Variants in ANKRD44 observed in about 807,000 individuals in gnomAD.
ANKRD44 encodes the protein ankyrin repeat domain 44, also known as serine/threonine-protein phosphatase 6 regulatory ankyrin repeat subunit B.
In ANKRD44, 35 loss-of-function variants were observed where a neutral mutation model predicts 116.0. That is an observed-to-expected ratio of 0.30 (90% CI 0.23 to 0.40). The LOEUF (loss-of-function observed/expected upper bound fraction) is 0.40. ANKRD44 is among the 10% of genes least tolerant of loss of function. The pLI is 1.00. For missense variants in ANKRD44, 1,014 were observed against 1,242.6 expected, an observed-to-expected ratio of 0.82 and a Z score of 2.77; for synonymous variants, 435 against 461.8, an observed-to-expected ratio of 0.94 and a Z score of 0.74.
chr2:197,093,123 C>T (rs1559055596), intron 10 of ANKRD44, among the ~76,000 whole-genome samples: 1 of 151,662 alleles, frequency 6.6e-6, no homozygotes, highest in South Asian at 2.1e-4. Context: ...CACACACACA[C>T]ATATGTTCAT....
At position 196,988,187 on chromosome 2, in the gene ANKRD44, T is replaced by C; in HGVS notation, c.*1404A>G. On this transcript the variant is annotated 3_prime_UTR_variant, in exon 28 of 28. Transcript: ENST00000282272. ...CGACAGGAAAAATGTTAACGCTGCT[T>C]TGCCATTAAAGCAAGCATTTCATTT... 1 of 984,790 alleles carries C rather than the reference T, an allele frequency of 1.0e-6. No individual in the cohort carries two copies. The highest frequency in any genetic ancestry group is 1.1e-4 in the East Asian group (1 of 8,822). The allele number at this position is 984,790 out of a possible 1,614,324, so 61.0% of individuals were successfully genotyped here. A position where few individuals can be genotyped will look rare whatever the true frequency, so the allele number is the denominator to read the frequency against.
rs13408876 is a variant in ANKRD44 at position 197,024,116 on chromosome 2, G to A, written c.1722+1080C>T. 9.3e-3 allele frequency among the ~76,000 whole-genome samples: 1,415 copies of A among 152,196 alleles called. 18 individuals are homozygous for A. Among genetic ancestry groups the A allele is most frequent in the African/African-American group, 0.033 (1,367 of 41,532 alleles). On this transcript the variant is annotated intron_variant, in intron 17 of 27. Coordinates refer to ENST00000282272, the MANE Select transcript of ANKRD44 (RefSeq NM_001195144.2). ...ATCCTTGTGTGATGGCCTTGTCTCC[G>A]CTCTCTTGCCTGAACACCTCTGCAT...
Position 197,212,156 on chromosome 2 carries a change from G to T in ANKRD44, c.28-25050C>A, listed in dbSNP as rs1352139424. Reference sequence around the variant, plus strand: ...AACTGGAACAAGGAGGGACTTTCTGGTGGATCAAAGTATGCTAGAGATCAG... The same window carrying T: ...AACTGGAACAAGGAGGGACTTTCTGTTGGATCAAAGTATGCTAGAGATCAG... On this transcript the variant is annotated intron_variant, in intron 1 of 27. Transcript: ENST00000282272. The surrounding 1 kb of genome is among the most constrained non-coding windows in gnomAD (Gnocchi z 4.8). 6.6e-6 allele frequency among the ~76,000 whole-genome samples: 1 copy of T among 152,056 alleles called. No homozygotes were observed. Among genetic ancestry groups the T allele is most frequent in the East Asian group, 1.9e-4 (1 of 5,182 alleles).
rs1212432690 is a variant in ANKRD44, at chr2:197,201,155, T to G, written c.28-14049A>C. Among the ~76,000 whole-genome samples the G allele has an allele frequency of 6.6e-6, 1 of 152,220 alleles. No individual in the cohort carries two copies. The highest frequency in any genetic ancestry group is 1.5e-5 in the Non-Finnish European group (1 of 68,026). ...CAGAGAAGTCTATGATTCTCTCTTTTTCATTACCCATCCCAGTTTAAAATT... is the reference window on the plus strand; with the variant it reads ...CAGAGAAGTCTATGATTCTCTCTTTGTCATTACCCATCCCAGTTTAAAATT... On this transcript the variant is annotated intron_variant, in intron 1 of 27. Transcript: ENST00000282272. The surrounding 1 kb of genome is among the most constrained non-coding windows in gnomAD (Gnocchi z 4.0).
chr2:197,197,445 T>C (rs1408297785), intron 1 of ANKRD44, among the ~76,000 whole-genome samples: 4 of 152,172 alleles, frequency 2.6e-5, no homozygotes, highest in Non-Finnish European at 5.9e-5. Flanking sequence ...CTTAATTTGG[T>C]ACATTTCAGA....
chr2:197,106,898 C>A (rs578057804), intron 9 of ANKRD44, among the ~76,000 whole-genome samples: 1 of 150,076 alleles, frequency 6.7e-6, no homozygotes, highest in East Asian at 2.0e-4. Context: ...TCTATATAAA[C>A]AGCACCTCTA....
At chr2:197,300,612 A>T (rs949349877) in intron 1 of ANKRD44, among the ~76,000 whole-genome samples, 1 of 152,118 alleles carries the variant, frequency 6.6e-6, no homozygotes, top group African/African-American at 2.4e-5. Flanking sequence ...ATGGGGAAAA[A>T]GGCCTCTTGT....
chr2:197,128,483 G>A (rs1161332958), intron 4 of ANKRD44, among the ~76,000 whole-genome samples: 1 of 152,046 alleles, frequency 6.6e-6, no homozygotes, highest in Admixed American at 6.6e-5. Context: ...TTTTTAAAGG[G>A]GTTTTTTATT....
Position 197,066,545 on chromosome 2 carries a change from C to T in ANKRD44, c.1650+12158G>A, listed in dbSNP as rs544070304. 1.1e-4 allele frequency among the ~76,000 whole-genome samples: 17 copies of T among 152,308 alleles called. No individual in the cohort carries two copies. In the East Asian group the frequency reaches 2.1e-3, roughly 19 times the overall value. Reference sequence around the variant, plus strand: ...TGATTGTATATTTAGAAAACCCCATCGTCTCAGCCCAAACTCTCCTTAAGC... The same window carrying T: ...TGATTGTATATTTAGAAAACCCCATTGTCTCAGCCCAAACTCTCCTTAAGC... On this transcript the variant is annotated intron_variant, in intron 16 of 27. Coordinates refer to ENST00000282272, the MANE Select transcript of ANKRD44 (RefSeq NM_001195144.2).
intron 1 of ANKRD44, among the ~76,000 whole-genome samples, chr2:197,279,496 C>G (rs2083202396): frequency 6.6e-6 from 1 of 152,154 alleles, no homozygotes; most frequent in Non-Finnish European, 1.5e-5. Flanking sequence ...AACTGGAACT[C>G]CACAAACTGG....
intron 1 of ANKRD44, among the ~76,000 whole-genome samples, chr2:197,292,419 T>C (rs1559226060): frequency 1.3e-5 from 2 of 152,232 alleles, no homozygotes; most frequent in Non-Finnish European, 2.9e-5. Flanking sequence ...ATTTATCTGA[T>C]GACCAGTGAT....
chr2:197,226,675 T>A (rs2081724428), intron 1 of ANKRD44, among the ~76,000 whole-genome samples: 1 of 151,540 alleles, frequency 6.6e-6, no homozygotes, highest in African/African-American at 2.4e-5. Flanking sequence ...AAAAAAAGTT[T>A]CCCTGGTGAT....
At chr2:197,174,286 A>G (rs369235195) in intron 2 of ANKRD44, among the ~76,000 whole-genome samples, 1 of 152,200 alleles carries the variant, frequency 6.6e-6, no homozygotes, top group Non-Finnish European at 1.5e-5. Flanking sequence ...CAGAGAGCCT[A>G]GGACAAAAGG....
chr2:196,970,726 T>C (rs528357383), intron 21 of ANKRD44, among the ~76,000 whole-genome samples: 2 of 152,286 alleles, frequency 1.3e-5, no homozygotes, highest in African/African-American at 2.4e-5. Context: ...TTTTGAGACA[T>C]GGTCTCACTC....
rs2078848191 is a variant in ANKRD44, at chr2:197,121,327, C to T, written c.906+5G>A. ...CATTCAACACAGAGACTAAGAGTGT[C>T]ATACCTGAATGTTAACATCTGCCCC... On this transcript the variant is annotated splice_donor_5th_base_variant and intron_variant, in intron 8 of 27. Coordinates refer to ENST00000282272, the MANE Select transcript of ANKRD44 (RefSeq NM_001195144.2). 6.2e-7 allele frequency: 1 copy of T among 1,613,352 alleles called. No individual in the cohort carries two copies. Among genetic ancestry groups the T allele is most frequent in the Middle Eastern group, 1.6e-4 (1 of 6,062 alleles).
chr2:197,068,171 T>A (rs1241651982), intron 16 of ANKRD44, among the ~76,000 whole-genome samples: 1 of 103,298 alleles, frequency 9.7e-6, no homozygotes, highest in Non-Finnish European at 1.8e-5. Flanking sequence ...TGAGATCACA[T>A]GGACACAGGA....
chr2:196,984,743 T>A (rs114424166), downstream of ANKRD44, among the ~76,000 whole-genome samples: 531 of 152,252 alleles, frequency 3.5e-3, 3 homozygotes, highest in African/African-American at 0.012. Context: ...CTTGAAAGGG[T>A]GAGTTCAGTC....
intron 1 of ANKRD44, among the ~76,000 whole-genome samples, chr2:197,281,521 C>T (rs2083263891): frequency 6.6e-6 from 1 of 152,066 alleles, no homozygotes. Context: ...AGGCATAAGT[C>T]CCTGAGTAAT....
intron 1 of ANKRD44, among the ~76,000 whole-genome samples, chr2:197,264,987 G>T (rs2082704763): frequency 6.6e-6 from 1 of 152,002 alleles, no homozygotes; most frequent in South Asian, 2.1e-4. Context: ...ACGATAGTTG[G>T]CTCAATGACA....
Sources: gnomAD v4.1 joint callset for allele counts (sites outside exome capture counted in the v4.1 genomes callset) on GRCh38, gnomAD v4.1.1 for gene constraint, Gnocchi (gnomAD v3.1) non-coding constraint, MANE v1.5 for transcripts, NCBI Gene and HGNC (gene_info 2026-07-23, HGNC 2026-07-21) for gene names.